The following PARD3B variants were observed in gnomAD, a reference collection of about 807,000 sequenced individuals.
PARD3B encodes partitioning defective 3 homolog B.
A neutral mutation model predicts 130.2 loss-of-function variants in PARD3B; 103 were observed. The ratio of observed to expected loss-of-function variants is 0.79; its 90% CI spans 0.67 to 0.93. The LOEUF (loss-of-function observed/expected upper bound fraction) is 0.93, where lower values mean the gene tolerates loss of function less well. Among genes scored for constraint, PARD3B ranks in the 40% least tolerant of loss-of-function variants. PARD3B has a pLI of 0.00. For missense variants in PARD3B, 1,609 were observed against 1,499.2 expected (o/e 1.07, Z -1.21); for synonymous variants, 583 against 553.2 (o/e 1.05, Z -0.76).
At chr2:204,667,637 A>G (rs1289749376) in intron 1 of PARD3B, among the ~76,000 whole-genome samples, 2 of 152,212 alleles carry the variant, frequency 1.3e-5, no homozygotes, top group East Asian at 3.9e-4. Context: ...ACTCTCTTCT[A>G]GTCTAATTTT....
chr2:205,298,884 C>T (rs946349339), intron 16 of PARD3B, among the ~76,000 whole-genome samples: 1 of 152,118 alleles, frequency 6.6e-6, no homozygotes. Flanking sequence ...TAGGCTGCCT[C>T]GGCCCAGCTC....
At chr2:205,459,376 G>A (rs1232128247) in intron 20 of PARD3B, among the ~76,000 whole-genome samples, 2 of 151,486 alleles carry the variant, frequency 1.3e-5, no homozygotes, top group South Asian at 2.1e-4. Flanking sequence ...TTCCACCATC[G>A]CCAAAAATAG....
At chr2:204,713,410 C>A (rs527356007) in intron 2 of PARD3B, among the ~76,000 whole-genome samples, 3 of 141,844 alleles carry the variant, frequency 2.1e-5, no homozygotes, top group Admixed American at 6.7e-5. Context: ...ATAAAATAGA[C>A]GTACCATAAA....
chr2:204,854,749 T>A (rs924153754), intron 2 of PARD3B, among the ~76,000 whole-genome samples: 1 of 152,106 alleles, frequency 6.6e-6, no homozygotes, highest in African/African-American at 2.4e-5. Flanking sequence ...AATATGAATA[T>A]TAGTCTCATC....
chr2:204,923,320 A>T (rs903859230), intron 2 of PARD3B, among the ~76,000 whole-genome samples: 2 of 152,046 alleles, frequency 1.3e-5, no homozygotes, highest in Non-Finnish European at 2.9e-5. Flanking sequence ...TTTGCTGGGA[A>T]ATAATTTTGA....
chr2:204,802,772 A>T (rs912449966), intron 2 of PARD3B, among the ~76,000 whole-genome samples: 1 of 152,096 alleles, frequency 6.6e-6, no homozygotes, highest in Admixed American at 6.6e-5. Flanking sequence ...ATTCTCACTC[A>T]TAAGTGGCAG....
At chr2:204,982,956 C>G (rs1692801270) in intron 3 of PARD3B, among the ~76,000 whole-genome samples, 1 of 152,156 alleles carries the variant, frequency 6.6e-6, no homozygotes, top group Non-Finnish European at 1.5e-5. Context: ...TTACCTAAAT[C>G]TAGAACAACT....
intron 15 of PARD3B, among the ~76,000 whole-genome samples, chr2:205,226,525 A>G (rs2038559744): frequency 6.6e-6 from 1 of 151,304 alleles, no homozygotes; most frequent in African/African-American, 2.4e-5. Flanking sequence ...TGTAGATTTG[A>G]TTTTTTTTTA....
chr2:205,446,170 T>C lies in PARD3B; in HGVS notation c.3044+5498T>C, dbSNP rs1225266216. 6.6e-6 allele frequency among the ~76,000 whole-genome samples: 1 copy of C among 151,104 alleles called. No individual in the cohort carries two copies. The highest frequency in any genetic ancestry group is 1.5e-5 in the Non-Finnish European group (1 of 67,784). On this transcript the variant is annotated intron_variant, in intron 20 of 22. Transcript: ENST00000406610. The surrounding 1 kb of genome is among the most constrained non-coding windows in gnomAD (Gnocchi z 4.4). ...TAAAATAGAAACCTGGTGGGAGGGGTAAATGGAAAGAGAGAACATGGGATG... is the reference window on the plus strand; with the variant it reads ...TAAAATAGAAACCTGGTGGGAGGGGCAAATGGAAAGAGAGAACATGGGATG...
intron 1 of PARD3B, among the ~76,000 whole-genome samples, chr2:204,574,251 T>C (rs958296572): frequency 8.5e-5 from 13 of 152,354 alleles, no homozygotes; most frequent in African/African-American, 3.1e-4. Flanking sequence ...TTCCTAACTT[T>C]ATTATCATTT....
rs2048414900 is a variant in PARD3B, at chr2:205,460,464, T to C, written c.3044+19792T>C. Among the ~76,000 whole-genome samples, 1 of 152,082 alleles carries C rather than the reference T, an allele frequency of 6.6e-6. No individual in the cohort carries two copies. The highest frequency in any genetic ancestry group is 1.5e-5 in the Non-Finnish European group (1 of 68,000). ...TCAATAGTAGTATTTATTGTATATT[T>C]AATATATGCCCAGCATTGAGGTACT... On this transcript the variant is annotated intron_variant, in intron 20 of 22. Coordinates refer to ENST00000406610, the MANE Select transcript of PARD3B (RefSeq NM_001302769.2). This position sits in a 1 kb window ranked among gnomAD's most constrained non-coding sequence, Gnocchi z 4.9.
At chr2:205,364,721 G>A (rs985952848) in intron 18 of PARD3B, among the ~76,000 whole-genome samples, 7 of 152,148 alleles carry the variant, frequency 4.6e-5, no homozygotes, top group Non-Finnish European at 7.3e-5. Context: ...CTTAACATGG[G>A]TTCTGGTAAC....
chr2:205,514,079 C>G (rs1268533754), intron 21 of PARD3B, among the ~76,000 whole-genome samples: 1 of 151,944 alleles, frequency 6.6e-6, no homozygotes, highest in Admixed American at 6.6e-5. Context: ...TTCTTTATGC[C>G]CAACCTCTCC....
Position 204,757,833 on chromosome 2 carries a change from A to G in PARD3B, c.222+71551A>G, listed in dbSNP as rs188447439. ...CTACTCTTGGCAGAAGAACAGAAAT[A>G]AGATACATAAAAGACAATATGAGGA... On this transcript the variant is annotated intron_variant, in intron 2 of 22. Transcript: ENST00000406610. Among the ~76,000 whole-genome samples, 15 of 152,286 alleles carry G rather than the reference A, an allele frequency of 9.8e-5. No individual in the cohort carries two copies. The East Asian group carries it at 2.9e-3, about 29-fold the overall frequency.
At chr2:204,952,448 A>G (rs1689858302) in intron 2 of PARD3B, among the ~76,000 whole-genome samples, 1 of 152,204 alleles carries the variant, frequency 6.6e-6, no homozygotes, top group African/African-American at 2.4e-5. Context: ...GTGCCTATTT[A>G]CAAGAGACCT....
intron 19 of PARD3B, among the ~76,000 whole-genome samples, chr2:205,436,936 C>G: frequency 6.6e-6 from 1 of 151,852 alleles, no homozygotes. Context: ...GAGACCTGCT[C>G]AGGGGAAATA....
chr2:205,057,842 A>C (rs1330174114), intron 4 of PARD3B, among the ~76,000 whole-genome samples: 1 of 150,602 alleles, frequency 6.6e-6, no homozygotes. Context: ...TCTCCACTGC[A>C]TTCAGGATGT....
chr2:205,553,034 A>G (rs553369715), intron 21 of PARD3B, among the ~76,000 whole-genome samples: 285 of 152,274 alleles, frequency 1.9e-3, no homozygotes, highest in African/African-American at 6.7e-3. Flanking sequence ...AAGAAGAAGA[A>G]GAAGAAGAAG....
intron 2 of PARD3B, among the ~76,000 whole-genome samples, chr2:204,961,679 A>G (rs2125847095): frequency 6.6e-6 from 1 of 152,276 alleles, no homozygotes; most frequent in East Asian, 1.9e-4. Context: ...AAGATGACGA[A>G]GAAAAACCAA....
Sources: gnomAD v4.1 joint callset for allele counts (sites outside exome capture counted in the v4.1 genomes callset) on GRCh38, gnomAD v4.1.1 for gene constraint, Gnocchi (gnomAD v3.1) non-coding constraint, MANE v1.5 for transcripts, NCBI Gene and HGNC (gene_info 2026-07-23, HGNC 2026-07-21) for gene names.